The following UACA variants were observed in gnomAD, a reference collection of about 807,000 sequenced individuals.
The protein encoded by UACA is uveal autoantigen with coiled-coil domains and ankyrin repeats.
A neutral mutation model predicts 160.5 loss-of-function variants in UACA; 112 were observed. The observed-to-expected ratio is 0.70, with a 90% CI of 0.60 to 0.82. UACA has a LOEUF of 0.82. Among genes scored for constraint, UACA ranks in the 40% least tolerant of loss-of-function variants. The pLI, the probability that UACA is intolerant of heterozygous loss-of-function variation, is 0.00. For synonymous variants in UACA, 557 were observed against 568.4 expected, an observed-to-expected ratio of 0.98 and a Z score of 0.29; for missense variants, 1,574 against 1,614.6, an observed-to-expected ratio of 0.97 and a Z score of 0.43.
Position 70,716,150 on chromosome 15 carries a change from C to A in UACA, c.79-16490G>T, listed in dbSNP as rs151021491. ...GACAAATACAATGTGGCAGAAGTGACCTTTGTAGGAGATCCTGCTGCTTCT... is the reference window on the plus strand; with the variant it reads ...GACAAATACAATGTGGCAGAAGTGAACTTTGTAGGAGATCCTGCTGCTTCT... On this transcript the variant is annotated intron_variant, in intron 1 of 18. Transcript: ENST00000322954. Among the ~76,000 whole-genome samples, 1,326 of 152,244 alleles carry A rather than the reference C, an allele frequency of 8.7e-3. 23 individuals are homozygous for A. Among genetic ancestry groups the A allele is most frequent in the African/African-American group, 0.031 (1,276 of 41,520 alleles).
intron 1 of UACA, among the ~76,000 whole-genome samples, chr15:70,755,473 C>A (rs2141015445): frequency 6.6e-6 from 1 of 151,956 alleles, no homozygotes; most frequent in Admixed American, 6.6e-5. Flanking sequence ...AGTACAAGAC[C>A]AGCCTGGCAA....
chr15:70,739,838 A>G (rs894278403), intron 1 of UACA, among the ~76,000 whole-genome samples: 1 of 152,196 alleles, frequency 6.6e-6, no homozygotes, highest in Non-Finnish European at 1.5e-5. Flanking sequence ...ACTGCCAAAT[A>G]TAAAATTCTG....
intron 3 of UACA, among the ~76,000 whole-genome samples, chr15:70,693,062 G>A (rs900625670): frequency 5.9e-5 from 9 of 152,166 alleles, no homozygotes; most frequent in Non-Finnish European, 1.2e-4. Flanking sequence ...TCATGGACAA[G>A]TGTCCTAGAA....
chr15:70,715,888 TGAA>T (rs765780473), intron 1 of UACA, among the ~76,000 whole-genome samples: 6 of 152,226 alleles, frequency 3.9e-5, no homozygotes, highest in African/African-American at 9.6e-5. Context: ...TTCTTAAACT[TGAA>T]GAAGAACCCT....
intron 1 of UACA, chr15:70,701,821 A>C: frequency 6.7e-7 from 1 of 1,494,994 alleles, no homozygotes; most frequent in Non-Finnish European, 9.1e-7. Flanking sequence ...AAAAGAACAC[A>C]GTTCAGAAAG....
chr15:70,705,632 T>C (rs1898503650), intron 1 of UACA, among the ~76,000 whole-genome samples: 1 of 152,036 alleles, frequency 6.6e-6, no homozygotes, highest in African/African-American at 2.4e-5. Context: ...TATAATAAAC[T>C]ATATCACAAA....
chr15:70,661,252 C>T (rs1896696281), intron 17 of UACA: 2 of 152,208 alleles, frequency 1.3e-5, no homozygotes, highest in Admixed American at 1.3e-4. Flanking sequence ...TTCCTGGAAA[C>T]CCCTATCACT....
chr15:70,701,403 A>G (rs1157223866), intron 1 of UACA, among the ~76,000 whole-genome samples: 1 of 152,228 alleles, frequency 6.6e-6, no homozygotes, highest in African/African-American at 2.4e-5. Context: ...AAAGGATTAA[A>G]TCATGTTTAA....
intron 1 of UACA, among the ~76,000 whole-genome samples, chr15:70,710,200 A>C (rs1898641391): frequency 6.6e-6 from 1 of 152,160 alleles, no homozygotes; most frequent in African/African-American, 2.4e-5. Flanking sequence ...GGCTGCAGTG[A>C]GCCAAGTTCG....
At chr15:70,720,594 T>C (rs867101681) in intron 1 of UACA, among the ~76,000 whole-genome samples, 1 of 152,236 alleles carries the variant, frequency 6.6e-6, no homozygotes, top group Non-Finnish European at 1.5e-5. Flanking sequence ...AAAATCTACA[T>C]AGATAAAAGA....
At chr15:70,763,240 C>A in intron 1 of UACA, 90 bp downstream of exon 1, 1 of 1,256,158 alleles carries the variant, frequency 8.0e-7, no homozygotes, top group Non-Finnish European at 1.0e-6. Context: ...AGAGGAAAAG[C>A]AGAGGAAGGC....
chr15:70,687,110 C>T (rs1897753338), intron 7 of UACA, among the ~76,000 whole-genome samples: 1 of 152,174 alleles, frequency 6.6e-6, no homozygotes, highest in African/African-American at 2.4e-5. Context: ...TGACACATGT[C>T]AAGTTCCAGA....
Position 70,667,918 on chromosome 15 carries a change from G to A in UACA, c.2766C>T (p.Tyr922=), listed in dbSNP as rs778595564. The part of the protein sequence containing the change: ...ENTQNQIKAE[Y]ISLAEHEAKM... ...TTGCCTCGTGCTCTGCCAGGCTGAT[G>A]TACTCAGCTTTTATTTGGTTCTGAG... Residue 922 remains tyrosine, a synonymous_variant, in exon 16 of 19, where the codon TAC becomes TAT. Transcript: ENST00000322954. The A allele has an allele frequency of 6.2e-7, 1 of 1,613,826 alleles. No homozygotes were observed. Among genetic ancestry groups the A allele is most frequent in the South Asian group, 1.1e-5 (1 of 91,048 alleles).
At position 70,763,365 on chromosome 15, in the gene UACA, CG is replaced by C. The variant is rs35004869; in HGVS notation, c.42del (p.Gly15AlafsTer24). 7.5e-7 allele frequency: 1 copy of C among 1,336,810 alleles called. No homozygotes were observed. The highest frequency in any genetic ancestry group is 9.6e-7 in the Non-Finnish European group (1 of 1,038,706). The allele number at this position is 1,336,810 out of a possible 1,614,324, so 82.8% of individuals were successfully genotyped here. A position where few individuals can be genotyped will look rare whatever the true frequency, so the allele number is the denominator to read the frequency against. On this transcript the variant is annotated frameshift_variant, in exon 1 of 19. Coordinates refer to ENST00000322954, the MANE Select transcript of UACA (RefSeq NM_018003.4). LOFTEE classifies it high-confidence loss of function. ...GCGGCGGCGCCAGACGACGCGGGGCCGGGCACGTCCTGCCTCCTCAGGCGGG... is the reference window on the plus strand; with the variant it reads ...GCGGCGGCGCCAGACGACGCGGGGCCGGCACGTCCTGCCTCCTCAGGCGGG... Reference protein sequence around the residue: ...LKSRLRRQDVPGPASSGAAAA... With the variant: ...LKSRLRRQDVXGPASSGAAAA...
intron 1 of UACA, among the ~76,000 whole-genome samples, chr15:70,759,632 G>A (rs894537693): frequency 6.6e-6 from 1 of 152,184 alleles, no homozygotes; most frequent in Non-Finnish European, 1.5e-5. Flanking sequence ...TGCAGCCTGG[G>A]CAACAAGAGT....
chr15:70,679,045 C>T (rs1027693007), intron 10 of UACA, among the ~76,000 whole-genome samples: 3 of 152,054 alleles, frequency 2.0e-5, no homozygotes, highest in South Asian at 2.1e-4. Context: ...ATACTTCTAG[C>T]GTTACATAAT....
At chr15:70,753,779 T>C (rs1313273333) in intron 1 of UACA, among the ~76,000 whole-genome samples, 1 of 152,222 alleles carries the variant, frequency 6.6e-6, no homozygotes, top group African/African-American at 2.4e-5. Context: ...CATTTGTATG[T>C]GCTCAAATAA....
chr15:70,699,366 A>C (rs1898244932), intron 2 of UACA, among the ~76,000 whole-genome samples, 161 bp downstream of exon 2: 1 of 152,118 alleles, frequency 6.6e-6, no homozygotes, highest in African/African-American at 2.4e-5. Context: ...GAAATATTTT[A>C]AATTGAGAAC....
intron 10 of UACA, 59 bp from the exon 11 acceptor site, chr15:70,678,265 G>A: frequency 7.7e-7 from 1 of 1,297,348 alleles, no homozygotes. Flanking sequence ...ATTCTTAAAG[G>A]AGAAATTTTT....
Sources: allele counts gnomAD v4.1 joint callset (sites outside exome capture counted in the v4.1 genomes callset), GRCh38; gene constraint gnomAD v4.1.1; transcripts MANE v1.5; gene names NCBI Gene and HGNC (gene_info 2026-07-23, HGNC 2026-07-21).